Variants in CADM2 observed in about 807,000 individuals in gnomAD.
CADM2 encodes the protein immunoglobulin superfamily member 4D.
CADM2 carries 12 observed loss-of-function variants against 49.8 expected under a neutral mutation model. The observed-to-expected ratio is 0.24, with a 90% CI of 0.15 to 0.39. The LOEUF is 0.39. Ranked by LOEUF, CADM2 falls within the 10% of genes least tolerant of loss-of-function variation. The pLI is 1.00. For synonymous variants in CADM2, 214 were observed against 175.4 expected (o/e 1.22, Z -1.74); for missense variants, 378 against 492.3 (o/e 0.77, Z 2.20).
chr3:85,758,035 G>A (rs916839464), intron 2 of CADM2, among the ~76,000 whole-genome samples: 4 of 152,028 alleles, frequency 2.6e-5, no homozygotes, highest in Non-Finnish European at 5.9e-5. Context: ...TAATTACTCC[G>A]GATATATTAT....
At chr3:85,727,677 G>A (rs1489016329) in intron 2 of CADM2, among the ~76,000 whole-genome samples, 2 of 152,090 alleles carry the variant, frequency 1.3e-5, no homozygotes, top group East Asian at 1.9e-4. Context: ...TTAGGAATGA[G>A]GAATTACAAA....
rs781077819 is a variant in CADM2, at chr3:85,961,587, C to A, written c.910C>A (p.Arg304=). 1.9e-6 allele frequency: 3 copies of A among 1,607,256 alleles called. No individual in the cohort carries two copies. The highest frequency in any genetic ancestry group is 2.6e-6 in the Non-Finnish European group (3 of 1,175,314). ...GAACAAAACGGATAATGGTACATAT[C>A]GATGTGAAGCCACAAACACCATTGG... ...FLNKTDNGTY[R]CEATNTIGQS... The change falls in exon 8 of 10, where the codon CGA becomes AGA. Residue 304 remains arginine (R), a synonymous_variant. Transcript: ENST00000383699.
intron 1 of CADM2, among the ~76,000 whole-genome samples, chr3:85,456,734 T>A (rs971514833): frequency 4.6e-5 from 7 of 152,066 alleles, no homozygotes; most frequent in Non-Finnish European, 5.9e-5. Flanking sequence ...ATAGGCCTAC[T>A]TTTTTCAGTG....
chr3:85,080,616 T>C (rs2037127136), intron 1 of CADM2, among the ~76,000 whole-genome samples: 1 of 152,030 alleles, frequency 6.6e-6, no homozygotes, highest in Non-Finnish European at 1.5e-5. Context: ...TTTTGAAATA[T>C]CAAAAATCTT....
chr3:85,885,851 C>G (rs1342338990), intron 4 of CADM2, among the ~76,000 whole-genome samples: 1 of 91,508 alleles, frequency 1.1e-5, no homozygotes, highest in Non-Finnish European at 2.1e-5. Context: ...GATCCTGTCT[C>G]AAAAAAAAAA....
intron 1 of CADM2, among the ~76,000 whole-genome samples, chr3:85,134,131 C>T (rs1233066700): frequency 6.6e-6 from 1 of 151,918 alleles, no homozygotes; most frequent in South Asian, 2.1e-4. Context: ...GCCTGGGGCC[C>T]GCAGGGCCGG....
intron 1 of CADM2, among the ~76,000 whole-genome samples, chr3:85,267,992 T>G (rs955842151): frequency 6.6e-5 from 10 of 150,832 alleles, no homozygotes; most frequent in African/African-American, 2.0e-4. Context: ...ATGGATATAT[T>G]GGAGTGTGTG....
intron 1 of CADM2, among the ~76,000 whole-genome samples, chr3:85,114,618 G>T (rs141439741): frequency 6.6e-6 from 1 of 152,112 alleles, no homozygotes; most frequent in South Asian, 2.1e-4. Flanking sequence ...TATAGTGCTT[G>T]TTGTCATTAA....
intron 8 of CADM2, among the ~76,000 whole-genome samples, chr3:85,970,485 C>T (rs558963390): frequency 6.6e-6 from 1 of 151,524 alleles, no homozygotes; most frequent in African/African-American, 2.4e-5. Flanking sequence ...CATTAATATG[C>T]ATGTGCAAAA....
At chr3:84,965,083 A>G (rs1208563669) in intron 1 of CADM2, among the ~76,000 whole-genome samples, 1 of 152,218 alleles carries the variant, frequency 6.6e-6, no homozygotes, top group Non-Finnish European at 1.5e-5. Context: ...TAGATCATAA[A>G]CTAATTTCAT....
chr3:85,559,683 C>T (rs200981525), intron 1 of CADM2, among the ~76,000 whole-genome samples: 211 of 51,606 alleles, frequency 4.1e-3, no homozygotes, highest in Admixed American at 8.6e-3. Context: ...CACACACACA[C>T]ACACATATAT....
intron 1 of CADM2, among the ~76,000 whole-genome samples, chr3:85,125,562 G>A (rs1381401416): frequency 6.6e-6 from 1 of 152,068 alleles, no homozygotes; most frequent in African/African-American, 2.4e-5. Flanking sequence ...GTTTTGCCAT[G>A]TGGCCCACGC....
chr3:85,932,535 G>A (rs951422980), intron 6 of CADM2, among the ~76,000 whole-genome samples: 1 of 152,086 alleles, frequency 6.6e-6, no homozygotes, highest in Non-Finnish European at 1.5e-5. Flanking sequence ...TCTTAAACAT[G>A]TAAAGGCTAC....
Position 85,898,955 on chromosome 3 carries a change from A to ATTTTTTTT in CADM2, c.529+12649_529+12656dup. Among the ~76,000 whole-genome samples, 17 of 33,916 alleles carry ATTTTTTTT rather than the reference A, an allele frequency of 5.0e-4. 4 individuals carry two copies. Among genetic ancestry groups the ATTTTTTTT allele is most frequent in the East Asian group, 1.8e-3 (2 of 1,140 alleles). The allele number at this position is 33,916 out of a possible 152,430, so 22.3% of individuals were successfully genotyped here. ...TTATTGTGTATATATATATATATAT[A>ATTTTTTTT]TTTTTTTTTTTTTTTTTTTTTTTTT... On this transcript the variant is annotated intron_variant, in intron 5 of 9. Coordinates refer to ENST00000383699, the MANE Select transcript of CADM2 (RefSeq NM_001167675.2).
At chr3:85,695,174 A>C (rs750637268) in intron 1 of CADM2, among the ~76,000 whole-genome samples, 1 of 152,146 alleles carries the variant, frequency 6.6e-6, no homozygotes, top group East Asian at 1.9e-4. Flanking sequence ...ATAAAATGTG[A>C]ATAATTTGGA....
chr3:85,321,159 T>C (rs2044602449), intron 1 of CADM2, among the ~76,000 whole-genome samples: 1 of 66,002 alleles, frequency 1.5e-5, no homozygotes, highest in Non-Finnish European at 2.6e-5. Context: ...TTTTTTTTTT[T>C]TTTTTTTGCG....
chr3:85,580,074 G>A (rs1036531161), intron 1 of CADM2, among the ~76,000 whole-genome samples: 4 of 152,140 alleles, frequency 2.6e-5, no homozygotes, highest in Non-Finnish European at 4.4e-5. Flanking sequence ...AGGATGGCAA[G>A]AAATCATTTA....
chr3:86,012,848 G>T (rs1301724158), intron 8 of CADM2: 3 of 533,890 alleles, frequency 5.6e-6, no homozygotes, highest in African/African-American at 1.9e-5. Context: ...GGTGGCGGGC[G>T]CCTGTAGTCC....
At chr3:85,021,116 CAAAAAA>C (rs5850660) in intron 1 of CADM2, among the ~76,000 whole-genome samples, 2 of 86,000 alleles carry the variant, frequency 2.3e-5, no homozygotes, top group Non-Finnish European at 4.6e-5. Flanking sequence ...GACCCTGTCT[CAAAAAA>C]AAAAAAAAAA....
Sources: gnomAD v4.1 joint callset for allele counts (sites outside exome capture counted in the v4.1 genomes callset) on GRCh38, gnomAD v4.1.1 for gene constraint, MANE v1.5 for transcripts, NCBI Gene and HGNC (gene_info 2026-07-23, HGNC 2026-07-21) for gene names.